The following ANKFN1 variants were observed in gnomAD, a reference collection of about 807,000 sequenced individuals.
ANKFN1 encodes the protein ankyrin repeat and fibronectin type III domain containing 1.
A neutral mutation model predicts 108.7 loss-of-function variants in ANKFN1; 74 were observed. That is an observed-to-expected ratio of 0.68 (90% confidence interval 0.56 to 0.83). ANKFN1 has a LOEUF of 0.83. ANKFN1 is among the 40% of genes least tolerant of loss of function. The pLI is 0.00. For missense variants in ANKFN1, 1,505 were observed against 1,382.3 expected, an observed-to-expected ratio of 1.09 and a Z score of -1.41; for synonymous variants, 547 against 516.2, an observed-to-expected ratio of 1.06 and a Z score of -0.81.
At position 56,515,345 on chromosome 17, in the gene ANKFN1, A is replaced by T. The variant is rs944333160; in HGVS notation, c.*4076A>T. 1.3e-5 allele frequency among the ~76,000 whole-genome samples: 2 copies of T among 152,196 alleles called. No individual in the cohort carries two copies. Among genetic ancestry groups the T allele is most frequent in the African/African-American group, 4.8e-5 (2 of 41,448 alleles). ...ACTCTCTGAGAATTTAAACTGTTGC[A>T]TGGTCACTTTACAAAGTCTAAATAT... On this transcript the variant is annotated 3_prime_UTR_variant, in exon 21 of 21. Transcript: ENST00000682825.
chr17:56,049,131 C>G (rs1164272502), intron 4 of ANKFN1, among the ~76,000 whole-genome samples: 2 of 152,238 alleles, frequency 1.3e-5, no homozygotes, highest in East Asian at 3.9e-4. Context: ...TTCAAGTGTT[C>G]TTTTATTTTC....
intron 4 of ANKFN1, among the ~76,000 whole-genome samples, chr17:56,136,127 C>G (rs1031235447): frequency 9.2e-5 from 14 of 152,076 alleles, no homozygotes; most frequent in Non-Finnish European, 1.8e-4. Flanking sequence ...TCCAGAGGCA[C>G]CTATGCATGG....
chr17:56,065,993 G>A (rs1347533168), intron 4 of ANKFN1, among the ~76,000 whole-genome samples: 3 of 152,280 alleles, frequency 2.0e-5, no homozygotes, highest in East Asian at 1.9e-4. Context: ...ACAAAATTAG[G>A]TATGCCTATG....
chr17:56,289,982 CTG>C (rs1567889144), intron 3 of ANKFN1, among the ~76,000 whole-genome samples: 2 of 152,172 alleles, frequency 1.3e-5, no homozygotes, highest in East Asian at 1.9e-4. Context: ...GATAAGAAAA[CTG>C]AGATTCACAC....
At chr17:56,233,556 T>G (rs1916895491) in intron 3 of ANKFN1, among the ~76,000 whole-genome samples, 3 of 151,982 alleles carry the variant, frequency 2.0e-5, no homozygotes, top group Admixed American at 6.6e-5. Flanking sequence ...TTTGTTCTTG[T>G]TTTTTTCTCA....
At chr17:56,503,037 C>T (rs2051424763) in intron 20 of ANKFN1, among the ~76,000 whole-genome samples, 1 of 152,120 alleles carries the variant, frequency 6.6e-6, no homozygotes, top group African/African-American at 2.4e-5. Context: ...AAATGCAGCT[C>T]AAGGCAGGGA....
chr17:56,174,055 T>C (rs1910907963), intron 1 of ANKFN1: 7 of 482,308 alleles, frequency 1.5e-5, no homozygotes, highest in Non-Finnish European at 1.9e-5. Flanking sequence ...CAGGTTCCCC[T>C]GTACTTGCTG....
intron 1 of ANKFN1, among the ~76,000 whole-genome samples, chr17:56,161,159 C>T (rs1245781708): frequency 1.3e-5 from 2 of 152,274 alleles, no homozygotes; most frequent in East Asian, 3.9e-4. Context: ...TAGTATCGAC[C>T]TCAGAGTTTT....
intron 4 of ANKFN1, among the ~76,000 whole-genome samples, chr17:56,114,903 T>C (rs1345721035): frequency 6.6e-6 from 1 of 152,142 alleles, no homozygotes; most frequent in Non-Finnish European, 1.5e-5. Context: ...ATTGCTGGCT[T>C]TGAAGATGGA....
At chr17:56,371,736 C>T (rs1159333483) in intron 6 of ANKFN1, among the ~76,000 whole-genome samples, 1 of 152,110 alleles carries the variant, frequency 6.6e-6, no homozygotes, top group Non-Finnish European at 1.5e-5. Context: ...TGCATAACAG[C>T]CATGAGGAGA....
chr17:56,143,107 C>A (rs1310888563), intron 4 of ANKFN1, among the ~76,000 whole-genome samples: 1 of 151,762 alleles, frequency 6.6e-6, no homozygotes, highest in African/African-American at 2.4e-5. Flanking sequence ...AGAAGGAGAA[C>A]AATTAGGGGT....
At chr17:56,391,207 G>T (rs1217860685) in intron 8 of ANKFN1, among the ~76,000 whole-genome samples, 1 of 105,892 alleles carries the variant, frequency 9.4e-6, no homozygotes, top group Admixed American at 8.5e-5. Context: ...GAAGGCCCAA[G>T]AATACATATA....
At chr17:56,501,056 C>T (rs2332684) in intron 20 of ANKFN1, among the ~76,000 whole-genome samples, 2,937 of 152,190 alleles carry the variant, frequency 0.019, 32 homozygotes, top group Middle Eastern at 0.037. Flanking sequence ...TTTGAACCAA[C>T]CCCAGAAGAA....
chr17:56,367,953 T>A lies in ANKFN1; in HGVS notation c.602-4693T>A, dbSNP rs897589763. On this transcript the variant is annotated intron_variant, in intron 6 of 20. Coordinates refer to ENST00000682825, the MANE Select transcript of ANKFN1 (RefSeq NM_001370326.1). ...TGTATTCTATTTGGTTTAGAGAAAA[T>A]CCACCGAGTTCTTTAAGGTTTAGAT... 1.1e-4 allele frequency: 22 copies of A among 203,772 alleles called. 1 individual carries two copies. Among genetic ancestry groups the A allele is most frequent in the South Asian group, 6.8e-4 (4 of 5,862 alleles). 12.6% of individuals were successfully genotyped at this position (203,772 alleles called of 1,614,324 possible).
chr17:56,151,820 A>G (rs1423265578), upstream of ANKFN1, among the ~76,000 whole-genome samples: 1 of 152,256 alleles, frequency 6.6e-6, no homozygotes, highest in East Asian at 1.9e-4. Context: ...TAGATTTTAA[A>G]CTTTTTGAAG....
intron 8 of ANKFN1, among the ~76,000 whole-genome samples, chr17:56,384,322 C>T (rs991318930): frequency 2.6e-5 from 4 of 152,136 alleles, no homozygotes; most frequent in African/African-American, 7.2e-5. Flanking sequence ...ATTGATGGGA[C>T]GTATCTCAAA....
intron 3 of ANKFN1, among the ~76,000 whole-genome samples, chr17:56,248,860 A>G (rs1053057387): frequency 1.3e-5 from 2 of 152,302 alleles, no homozygotes; most frequent in South Asian, 4.1e-4. Flanking sequence ...CATGAGTAAG[A>G]GAGTAGGGAA....
chr17:56,419,850 A>G (rs547785232), intron 8 of ANKFN1, among the ~76,000 whole-genome samples: 1 of 152,082 alleles, frequency 6.6e-6, no homozygotes, highest in East Asian at 1.9e-4. Context: ...GAAGAAAAAT[A>G]TAAATTAAAT....
At chr17:56,488,506 A>G (rs1362910450) in intron 18 of ANKFN1, among the ~76,000 whole-genome samples, 1 of 152,188 alleles carries the variant, frequency 6.6e-6, no homozygotes, top group East Asian at 1.9e-4. Flanking sequence ...AGTTTTGAGG[A>G]ACCTATGGAA....
Sources: allele counts gnomAD v4.1 joint callset (sites outside exome capture counted in the v4.1 genomes callset), GRCh38; gene constraint gnomAD v4.1.1; transcripts MANE v1.5; gene names NCBI Gene and HGNC (gene_info 2026-07-23, HGNC 2026-07-21).